The following UTP20 variants were observed in gnomAD, a reference collection of about 807,000 sequenced individuals.
UTP20 encodes the protein UTP20 small subunit processome component.
Under a neutral mutation model 329.5 loss-of-function variants are expected in UTP20, and 164 were observed. The ratio of observed to expected loss-of-function variants is 0.50; its 90% confidence interval spans 0.44 to 0.57. The LOEUF is 0.57. Ranked by LOEUF, UTP20 falls within the 20% of genes least tolerant of loss-of-function variation. The pLI is 0.00. For synonymous variants in UTP20, 1,151 were observed against 1,159.3 expected, an observed-to-expected ratio of 0.99 and a Z score of 0.14; for missense variants, 3,055 against 3,284.2, an observed-to-expected ratio of 0.93 and a Z score of 1.71.
intron 26 of UTP20, among the ~76,000 whole-genome samples, 196 bp downstream of exon 26, chr12:101,327,443 G>C (rs1010019450): frequency 6.6e-6 from 1 of 152,174 alleles, no homozygotes; most frequent in Admixed American, 6.5e-5. Context: ...TGGCCCTGTG[G>C]ATTATCGGCA....
rs1047284531 is a variant in UTP20, at chr12:101,379,373, C to T, written c.7399C>T (p.His2467Tyr). ...PAETLSKIWSHVHSHLRHPHN... is the reference protein window; with the variant it reads ...PAETLSKIWSYVHSHLRHPHN... ...CAAATGCTTTTTGGTTCCCTTAGGT[C>T]ATGTGCATTCTCACCTGAGACATCC... The change falls in exon 57 of 62, where the codon CAT becomes TAT. Residue 2467 changes from histidine (H) to tyrosine (Y), a missense_variant and splice_region_variant. By Grantham distance (83) the His-to-Tyr change is moderately conservative. Around this residue, in one of 3 missense-constraint regions of UTP20, gnomAD observed 273 missense variants for 363.1 expected, o/e 0.75. Coordinates refer to ENST00000261637, the MANE Select transcript of UTP20 (RefSeq NM_014503.3). 6.2e-6 allele frequency: 10 copies of T among 1,603,346 alleles called. No individual in the cohort carries two copies. Among genetic ancestry groups the T allele is most frequent in the Non-Finnish European group, 8.5e-6 (10 of 1,173,434 alleles).
At chr12:101,285,955 C>T (rs1871948067) in intron 4 of UTP20, 74 bp downstream of exon 4, 1 of 1,557,484 alleles carries the variant, frequency 6.4e-7, no homozygotes, top group South Asian at 1.2e-5. Context: ...TTCAAAGCTA[C>T]ATATACCGCA....
At chr12:101,359,327 A>G (rs1366968637) in intron 43 of UTP20, among the ~76,000 whole-genome samples, 1 of 152,126 alleles carries the variant, frequency 6.6e-6, no homozygotes, top group East Asian at 1.9e-4. Context: ...TGGCCTCCCA[A>G]AATGCTGGGA....
intron 30 of UTP20, 91 bp from the exon 31 acceptor site, chr12:101,338,722 G>A (rs953381187): frequency 2.2e-5 from 24 of 1,081,976 alleles, no homozygotes; most frequent in Admixed American, 2.0e-4. Context: ...GTTCATAGTG[G>A]TTGAGTGCTT....
At chr12:101,323,872 C>G (rs1006512714) in intron 25 of UTP20, among the ~76,000 whole-genome samples, 1 of 152,188 alleles carries the variant, frequency 6.6e-6, no homozygotes, top group Non-Finnish European at 1.5e-5. Context: ...CCCCTGGTGG[C>G]TTACGCATGT....
At position 101,381,930 on chromosome 12, in the gene UTP20, A is replaced by G. The variant is rs571392434; in HGVS notation, c.7656+719A>G. On this transcript the variant is annotated intron_variant, in intron 58 of 61. Transcript: ENST00000261637. ...GCTACACAGGAGGCTGAGGCAAGAG[A>G]CTCACTTGAACTGGGGAGGCAGAGG... Among the ~76,000 whole-genome samples, 11 of 149,150 alleles carry G rather than the reference A, an allele frequency of 7.4e-5. No homozygotes were observed. In the East Asian group the frequency reaches 1.8e-3, roughly 24 times the overall value.
rs369435128 is a variant in UTP20, at chr12:101,317,472, C to A, written c.2553-6C>A. Reference sequence around the variant, plus strand: ...TCAGTATCCTGTGACTTTCTTTCCACGGTAGCAATGAGTATTACCCAGCAG... The same window carrying A: ...TCAGTATCCTGTGACTTTCTTTCCAAGGTAGCAATGAGTATTACCCAGCAG... On this transcript the variant is annotated splice_polypyrimidine_tract_variant and splice_region_variant and intron_variant, in intron 21 of 61. Coordinates refer to ENST00000261637, the MANE Select transcript of UTP20 (RefSeq NM_014503.3). The A allele has an allele frequency of 1.2e-6, 2 of 1,612,986 alleles. No homozygotes were observed. The highest frequency in any genetic ancestry group is 2.2e-5 in the South Asian group (2 of 90,872).
intron 21 of UTP20, among the ~76,000 whole-genome samples, chr12:101,316,725 C>T (rs559107642): frequency 6.6e-6 from 1 of 152,198 alleles, no homozygotes; most frequent in South Asian, 2.1e-4. Context: ...GCCCTGCATT[C>T]AATAGACAAC....
intron 14 of UTP20, 34 bp downstream of exon 14, chr12:101,300,095 CT>C: frequency 6.3e-7 from 1 of 1,584,458 alleles, no homozygotes; most frequent in Non-Finnish European, 8.7e-7. Context: ...CTCTTCTCTT[CT>C]TTTCTGGCAC....
intron 48 of UTP20, among the ~76,000 whole-genome samples, chr12:101,368,648 TC>T (rs1870178841): frequency 6.6e-6 from 1 of 152,172 alleles, no homozygotes; most frequent in Non-Finnish European, 1.5e-5. Flanking sequence ...ATCACCTTTG[TC>T]ACTATTACTG....
rs1341843696 is a variant in UTP20, at chr12:101,378,719, C to CA, written c.7397-642dup. ...GGGCAATGGGAATGAAACCCTGTCG[C>CA]AAAAAAAAAAGAAAAAAAAGAAAAT... On this transcript the variant is annotated intron_variant, in intron 56 of 61. Coordinates refer to ENST00000261637, the MANE Select transcript of UTP20 (RefSeq NM_014503.3). Among the ~76,000 whole-genome samples the CA allele has an allele frequency of 2.9e-3, 403 of 137,994 alleles. 2 individuals carry two copies. The highest frequency in any genetic ancestry group is 9.6e-3 in the African/African-American group (360 of 37,502). The allele number at this position is 137,994 out of a possible 152,430, so 90.5% of individuals were successfully genotyped here. A position where few individuals can be genotyped will look rare whatever the true frequency, so the allele number is the denominator to read the frequency against.
chr12:101,345,632 G>T lies in UTP20; in HGVS notation c.4684G>T (p.Val1562Leu). The T allele has an allele frequency of 6.2e-7, 1 of 1,613,076 alleles. No individual in the cohort carries two copies. Residue 1562 changes from valine to leucine, a missense_variant, in exon 37 of 62, where the codon GTA becomes TTA. By Grantham distance (32) the Val-to-Leu change is conservative (BLOSUM62 1). Coordinates refer to ENST00000261637, the MANE Select transcript of UTP20 (RefSeq NM_014503.3). ...AAACCAACTGGAATTCAAAGACTTG[G>T]TACAACTTACTCATTACCATGACCC... is the stretch of plus-strand genomic sequence containing the variant. ...FPNQLEFKDLVQLTHYHDPEM... is the reference protein window; with the variant it reads ...FPNQLEFKDLLQLTHYHDPEM...
At chr12:101,347,634 A>G (rs1433083382) in intron 38 of UTP20, among the ~76,000 whole-genome samples, 1 of 152,236 alleles carries the variant, frequency 6.6e-6, no homozygotes, top group Non-Finnish European at 1.5e-5. Flanking sequence ...ATGGCCTTAT[A>G]CAATAATAGA....
At chr12:101,282,552 C>T (rs1266247310) in intron 2 of UTP20, among the ~76,000 whole-genome samples, 1 of 152,046 alleles carries the variant, frequency 6.6e-6, no homozygotes, top group Non-Finnish European at 1.5e-5. Flanking sequence ...TCATAAAGGA[C>T]TTCATATGTG....
intron 15 of UTP20, among the ~76,000 whole-genome samples, chr12:101,303,943 C>G (rs1221178630): frequency 1.3e-5 from 2 of 152,184 alleles, no homozygotes; most frequent in African/African-American, 2.4e-5. Flanking sequence ...CATAGTCTCC[C>G]TTTTAAAATC....
chr12:101,323,827 T>G (rs1332359171), intron 25 of UTP20, among the ~76,000 whole-genome samples: 2 of 152,206 alleles, frequency 1.3e-5, no homozygotes, highest in Non-Finnish European at 2.9e-5. Context: ...CGCAATACCA[T>G]TTCACTTAAA....
chr12:101,379,626 A>C, intron 57 of UTP20, 68 bp downstream of exon 57: 1 of 1,507,616 alleles, frequency 6.6e-7, no homozygotes, highest in Non-Finnish European at 9.0e-7. Context: ...TCATGTAACT[A>C]TCTTCGGGCC....
chr12:101,364,161 A>G (rs934759064), intron 45 of UTP20, among the ~76,000 whole-genome samples: 78 of 152,200 alleles, frequency 5.1e-4, no homozygotes, highest in Admixed American at 2.2e-3. Flanking sequence ...AATTCCAGCA[A>G]TTTGGAAAGC....
intron 51 of UTP20, among the ~76,000 whole-genome samples, chr12:101,372,210 G>C (rs1428825797): frequency 6.6e-6 from 1 of 152,202 alleles, no homozygotes; most frequent in Non-Finnish European, 1.5e-5. Flanking sequence ...TTGGAAACTT[G>C]AATGATGTCG....
Sources: gnomAD v4.1 joint callset for allele counts (sites outside exome capture counted in the v4.1 genomes callset) on GRCh38, gnomAD v4.1.1 for gene constraint, gnomAD v4.1.1 regional missense constraint, MANE v1.5 for transcripts, NCBI Gene and HGNC (gene_info 2026-07-23, HGNC 2026-07-21) for gene names.